The following BATF variants were observed in gnomAD, a reference collection of about 807,000 sequenced individuals.
BATF encodes basic leucine zipper ATF-like transcription factor.
Under a neutral mutation model 13.7 loss-of-function variants are expected in BATF, and 5 were observed. The ratio of observed to expected loss-of-function variants is 0.36; its 90% confidence interval spans 0.19 to 0.77. The LOEUF is 0.77. BATF is among the 30% of genes least tolerant of loss of function. The pLI, the probability that BATF is intolerant of heterozygous loss-of-function variation, is 0.51. For synonymous variants in BATF, 72 were observed against 67.5 expected (o/e 1.07, Z -0.33); for missense variants, 124 against 163.0 (o/e 0.76, Z 1.30).
chr14:75,526,547 G>A (rs1040927334), intron 2 of BATF, among the ~76,000 whole-genome samples: 2 of 152,022 alleles, frequency 1.3e-5, no homozygotes, highest in South Asian at 4.1e-4. Context: ...GCTTTACAAG[G>A]AAACAGAGCA....
chr14:75,523,494 T>C (rs913950175), intron 1 of BATF, among the ~76,000 whole-genome samples: 1 of 152,182 alleles, frequency 6.6e-6, no homozygotes, highest in Non-Finnish European at 1.5e-5. Flanking sequence ...TGTGGGAGCA[T>C]TTGGAGTCTA....
At chr14:75,543,269 C>T (rs1887925662) in intron 2 of BATF, among the ~76,000 whole-genome samples, 3 of 152,224 alleles carry the variant, frequency 2.0e-5, no homozygotes, top group Admixed American at 2.0e-4. Flanking sequence ...ATCATCGTGG[C>T]TCTTGATAAC....
chr14:75,539,554 T>C (rs1887866766), intron 2 of BATF, among the ~76,000 whole-genome samples: 1 of 148,546 alleles, frequency 6.7e-6, no homozygotes, highest in Non-Finnish European at 1.5e-5. Context: ...TTGAGGGCAA[T>C]GAAATCATAG....
intron 2 of BATF, among the ~76,000 whole-genome samples, chr14:75,531,353 A>G (rs983588189): frequency 3.3e-5 from 5 of 152,252 alleles, no homozygotes; most frequent in African/African-American, 1.2e-4. Context: ...AGTGGAAAAG[A>G]GAGCTGAGGT....
Position 75,546,737 on chromosome 14 carries a change from C to G in BATF, c.*66C>G. 3 of 1,461,438 alleles carry G rather than the reference C, an allele frequency of 2.1e-6. No homozygotes were observed. The highest frequency in any genetic ancestry group is 2.7e-6 in the Non-Finnish European group (3 of 1,095,264). 90.5% of individuals were successfully genotyped at this position (1,461,438 alleles called of 1,614,324 possible). A position where few individuals can be genotyped will look rare whatever the true frequency, so the allele number is the denominator to read the frequency against. On this transcript the variant is annotated 3_prime_UTR_variant, in exon 3 of 3. Coordinates refer to ENST00000286639, the MANE Select transcript of BATF (RefSeq NM_006399.5). ...CAGACTGTGGCAGAGCTGCGCCCATCCCGCAGAGGCCCCTGTCCACCTGGA... is the reference window on the plus strand; with the variant it reads ...CAGACTGTGGCAGAGCTGCGCCCATGCCGCAGAGGCCCCTGTCCACCTGGA...
At chr14:75,545,200 A>G (rs1367709033) in intron 2 of BATF, among the ~76,000 whole-genome samples, 1 of 151,876 alleles carries the variant, frequency 6.6e-6, no homozygotes, top group African/African-American at 2.4e-5. Flanking sequence ...TTGACCATTT[A>G]GTATTTATTT....
At chr14:75,530,998 C>T (rs1452452917) in intron 2 of BATF, among the ~76,000 whole-genome samples, 1 of 152,162 alleles carries the variant, frequency 6.6e-6, no homozygotes, top group South Asian at 2.1e-4. Context: ...TTTTTTATCA[C>T]ATGCTTTTAT....
chr14:75,529,735 C>T (rs2140036036), intron 2 of BATF, among the ~76,000 whole-genome samples: 1 of 152,172 alleles, frequency 6.6e-6, no homozygotes, highest in Non-Finnish European at 1.5e-5. Context: ...TATGAGAGAG[C>T]TCTTATGAAT....
At chr14:75,538,832 C>T (rs1402035798) in intron 2 of BATF, among the ~76,000 whole-genome samples, 6 of 152,134 alleles carry the variant, frequency 3.9e-5, no homozygotes, top group Non-Finnish European at 4.4e-5. Context: ...ACCCGGGAGG[C>T]GGAGCTTGCA....
chr14:75,532,464 A>T (rs59520408), intron 2 of BATF, among the ~76,000 whole-genome samples: 9,055 of 152,262 alleles, frequency 0.059, 902 homozygotes, highest in African/African-American at 0.21. Context: ...CTATATATAG[A>T]TAGATACAAT....
Position 75,546,076 on chromosome 14 carries a change from G to A in BATF, c.169-386G>A, listed in dbSNP as rs150724050. On this transcript the variant is annotated intron_variant, in intron 2 of 2. Transcript: ENST00000286639. ...AGGGTTTTGCCACGTTGCCCAGGCTGGTCTCAAACTCCCCACCTCAGGCAA... is the reference window on the plus strand; with the variant it reads ...AGGGTTTTGCCACGTTGCCCAGGCTAGTCTCAAACTCCCCACCTCAGGCAA... Among the ~76,000 whole-genome samples the A allele has an allele frequency of 2.2e-3, 332 of 152,160 alleles. 2 individuals are homozygous for A. Among genetic ancestry groups the A allele is most frequent in the African/African-American group, 7.8e-3 (325 of 41,506 alleles).
At chr14:75,537,660 G>T (rs1887838319) in intron 2 of BATF, among the ~76,000 whole-genome samples, 1 of 152,136 alleles carries the variant, frequency 6.6e-6, no homozygotes, top group South Asian at 2.1e-4. Flanking sequence ...AACTGTGCTG[G>T]ACTATTTAGA....
intron 2 of BATF, among the ~76,000 whole-genome samples, chr14:75,531,208 G>A (rs1887725776): frequency 6.6e-6 from 1 of 152,174 alleles, no homozygotes; most frequent in Non-Finnish European, 1.5e-5. Context: ...GTTGGGATTT[G>A]AGTGACTCTA....
intron 2 of BATF, among the ~76,000 whole-genome samples, chr14:75,529,840 G>A (rs180903268): frequency 1.3e-5 from 2 of 152,176 alleles, no homozygotes; most frequent in African/African-American, 4.8e-5. Context: ...CGAGGCGGGC[G>A]GATCACGAGG....
chr14:75,542,722 C>T (rs1359115992), intron 2 of BATF, among the ~76,000 whole-genome samples: 3 of 152,204 alleles, frequency 2.0e-5, no homozygotes, highest in Non-Finnish European at 4.4e-5. Flanking sequence ...TTCTTGGGGG[C>T]CCTAGCAGGA....
intron 2 of BATF, among the ~76,000 whole-genome samples, chr14:75,533,405 G>A (rs1175077928): frequency 1.4e-5 from 2 of 146,428 alleles, no homozygotes; most frequent in Non-Finnish European, 3.0e-5. Context: ...TCCAGCCAAG[G>A]CAACAGAGTG....
chr14:75,537,548 C>G (rs1887837060), intron 2 of BATF, among the ~76,000 whole-genome samples: 1 of 152,158 alleles, frequency 6.6e-6, no homozygotes. Context: ...CCTGCCCTCA[C>G]AGAGCTCAAC....
intron 2 of BATF, among the ~76,000 whole-genome samples, chr14:75,537,717 A>G (rs1028687873): frequency 1.1e-4 from 17 of 152,166 alleles, no homozygotes; most frequent in African/African-American, 4.1e-4. Flanking sequence ...GCTTAAATGG[A>G]CATTTTGTTT....
chr14:75,526,128 T>G (rs1887651255), intron 2 of BATF, among the ~76,000 whole-genome samples: 1 of 152,226 alleles, frequency 6.6e-6, no homozygotes, highest in South Asian at 2.1e-4. Context: ...AGTGCTGAAC[T>G]GCAGTTCCGC....
Sources: allele counts gnomAD v4.1 joint callset (sites outside exome capture counted in the v4.1 genomes callset), GRCh38; gene constraint gnomAD v4.1.1; transcripts MANE v1.5; gene names NCBI Gene and HGNC (gene_info 2026-07-23, HGNC 2026-07-21).